Variants in ZNF264 observed in about 807,000 individuals in gnomAD.
ZNF264 encodes the protein zinc finger protein 264.
A neutral mutation model predicts 11.2 loss-of-function variants in ZNF264; 11 were observed. The observed-to-expected ratio is 0.98, with a 90% CI of 0.62 to 1.63. ZNF264 has a LOEUF of 1.63. Among genes scored for constraint, ZNF264 ranks in the 40% most tolerant of loss-of-function variants. The probability of loss-of-function intolerance (pLI) is 0.00; values close to 1 mark genes in which losing one functional copy is unlikely to be tolerated. For missense variants in ZNF264, 752 were observed against 768.1 expected (o/e 0.98, Z 0.25); for synonymous variants, 309 against 279.8 (o/e 1.10, Z -1.04).
rs1043248651 is a variant in ZNF264, at chr19:57,195,105, C to A, written c.160+1104C>A. Reference sequence around the variant, plus strand: ...CCATCACAACTCCATCCCTTGTCAACTTGAACCCATACACATCTCCTGAGA... The same window carrying A: ...CCATCACAACTCCATCCCTTGTCAAATTGAACCCATACACATCTCCTGAGA... On this transcript the variant is annotated intron_variant, in intron 2 of 3. Transcript: ENST00000263095. 1.5e-5 allele frequency: 5 copies of A among 327,914 alleles called. No homozygotes were observed. In the Admixed American group the frequency reaches 2.5e-4, roughly 16 times the overall value. The allele number at this position is 327,914 out of a possible 1,614,324, so 20.3% of individuals were successfully genotyped here. A position where few individuals can be genotyped will look rare whatever the true frequency, so the allele number is the denominator to read the frequency against.
chr19:57,191,636 C>T lies in ZNF264; in HGVS notation c.-278C>T, dbSNP rs1001867759. The T allele has an allele frequency of 2.6e-6, 1 of 382,426 alleles. No individual in the cohort carries two copies. The highest frequency in any genetic ancestry group is 4.6e-6 in the Non-Finnish European group (1 of 215,554). The allele number at this position is 382,426 out of a possible 1,614,324, so 23.7% of individuals were successfully genotyped here. ...CGCCGCACCTTTGTACGAGCCTGAC[C>T]CCTTCCGTGGGTTTGTTCCTGGGTC... On this transcript the variant is annotated 5_prime_UTR_variant, in exon 1 of 4. Transcript: ENST00000263095.
At position 57,191,919 on chromosome 19, in the gene ZNF264, G is replaced by A. The variant is rs759406503; in HGVS notation, c.6G>A (p.Ala2=). M[A]AAVLTDRAQV... ...GCGGCCCAGGGGGTGACGTGATGGCGGCAGCGGTGCTGACGGACCGGGCCC... is the reference window on the plus strand; with the variant it reads ...GCGGCCCAGGGGGTGACGTGATGGCAGCAGCGGTGCTGACGGACCGGGCCC... The change falls in exon 1 of 4, where the codon GCG becomes GCA. Residue 2 remains alanine, a synonymous_variant. Transcript: ENST00000263095. 1.1e-5 allele frequency: 17 copies of A among 1,518,354 alleles called. No individual in the cohort carries two copies. The highest frequency in any genetic ancestry group is 1.5e-5 in the Non-Finnish European group (17 of 1,131,438). The allele number at this position is 1,518,354 out of a possible 1,614,324, so 94.1% of individuals were successfully genotyped here. A position where few individuals can be genotyped will look rare whatever the true frequency, so the allele number is the denominator to read the frequency against.
At chr19:57,200,930 A>T (rs925008144) in intron 2 of ZNF264, among the ~76,000 whole-genome samples, 2 of 151,756 alleles carry the variant, frequency 1.3e-5, no homozygotes, top group Non-Finnish European at 2.9e-5. Flanking sequence ...TTATAATAAA[A>T]TTTTTTTTAT....
Position 57,211,375 on chromosome 19 carries a change from C to T in ZNF264, c.278C>T (p.Thr93Ile). Residue 93 changes from threonine (T) to isoleucine (I), a missense_variant, in exon 4 of 4, where the codon ACC (threonine) becomes ATC (isoleucine). Physicochemically the swap from Thr to Ile is moderately conservative, Grantham distance 89. Coordinates refer to ENST00000263095, the MANE Select transcript of ZNF264 (RefSeq NM_003417.5). ...TCAGGCGACAAAGGAAAACCTAAGA[C>T]CACAGAACCTACCACTTGTGAGCCA... Reference protein sequence around the residue: ...TCPGDKGKPKTTEPTTCEPAL... With the variant: ...TCPGDKGKPKITEPTTCEPAL... 1.9e-6 allele frequency: 3 copies of T among 1,612,988 alleles called. No individual in the cohort carries two copies. Among genetic ancestry groups the T allele is most frequent in the Non-Finnish European group, 2.5e-6 (3 of 1,179,280 alleles).
At chr19:57,207,725 T>G (rs2122757791) in intron 3 of ZNF264, among the ~76,000 whole-genome samples, 1 of 151,280 alleles carries the variant, frequency 6.6e-6, no homozygotes, top group Non-Finnish European at 1.5e-5. Flanking sequence ...TGTTTGTTTT[T>G]TGTTTTGTTT....
chr19:57,210,014 CTTTCCTT>C (rs1813225446), intron 3 of ZNF264, among the ~76,000 whole-genome samples: 1 of 152,130 alleles, frequency 6.6e-6, no homozygotes, highest in Admixed American at 6.5e-5. Flanking sequence ...CCTCTTACCT[CTTTCCTT>C]ATGAGCCTTC....
In ZNF264 at chr19:57,212,030, AG is replaced by A. The variant is rs1454716621; in HGVS notation, c.934del (p.Glu312LysfsTer75). 1.2e-6 allele frequency: 2 copies of A among 1,614,056 alleles called. No individual in the cohort carries two copies. On this transcript the variant is annotated frameshift_variant, in exon 4 of 4. Transcript: ENST00000263095. LOFTEE classifies it low-confidence loss of function (END_TRUNC). ...FVLHNRRHTG[E>X]KSFVCTECGQ... ...TCTTGCATAACAGGAGACACACTGG[AG>A]AAAAATCCTTTGTGTGCACAGAATG...
In ZNF264 at chr19:57,202,042, C is replaced by CA. The variant is rs1398817005; in HGVS notation, c.161-3347dup. Among the ~76,000 whole-genome samples the CA allele has an allele frequency of 2.6e-5, 4 of 151,410 alleles. No individual in the cohort carries two copies. In the East Asian group the frequency reaches 7.7e-4, roughly 29 times the overall value. On this transcript the variant is annotated intron_variant, in intron 2 of 3. Coordinates refer to ENST00000263095, the MANE Select transcript of ZNF264 (RefSeq NM_003417.5). ...GCAATAAAGTGAGACCCAGCCTCTA[C>CA]AAAAAAAATCAAAAAAATTATCTGG...
intron 3 of ZNF264, among the ~76,000 whole-genome samples, chr19:57,206,112 A>G (rs1284787264): frequency 6.6e-6 from 1 of 152,230 alleles, no homozygotes; most frequent in East Asian, 1.9e-4. Context: ...ACCCACAGGA[A>G]CTAGGCATTT....
At chr19:57,192,687 C>T (rs8107486) in intron 1 of ZNF264, 8,774 of 460,412 alleles carry the variant, frequency 0.019, 744 homozygotes, top group African/African-American at 0.17. Context: ...CAGTGCCGCT[C>T]TGTGGGGTCA....
At chr19:57,201,916 A>G (rs2087256137) in intron 2 of ZNF264, among the ~76,000 whole-genome samples, 1 of 151,712 alleles carries the variant, frequency 6.6e-6, no homozygotes, top group South Asian at 2.1e-4. Context: ...CAGTTGTATT[A>G]ATTTGTATCT....
rs1384632169 is a variant in ZNF264 at position 57,211,863 on chromosome 19, G to A, written c.766G>A (p.Glu256Lys). ...GCAACATCACATGATCCACACTGGG[G>A]AGAGGCCCTATGAGTGCATGGAGTG... ...LLQHHMIHTGERPYECMECGK... is the reference protein window; with the variant it reads ...LLQHHMIHTGKRPYECMECGK... The change falls in exon 4 of 4, where the codon GAG (glutamate) becomes AAG (lysine). Residue 256 changes from glutamate to lysine, a missense_variant. Coordinates refer to ENST00000263095, the MANE Select transcript of ZNF264 (RefSeq NM_003417.5). 1 of 1,614,214 alleles carries A rather than the reference G, an allele frequency of 6.2e-7. No homozygotes were observed. Among genetic ancestry groups the A allele is most frequent in the South Asian group, 1.1e-5 (1 of 91,084 alleles).
Position 57,191,899 on chromosome 19 carries a change from C to G in ZNF264, c.-15C>G, listed in dbSNP as rs1391619692. On this transcript the variant is annotated 5_prime_UTR_variant, in exon 1 of 4. Transcript: ENST00000263095. ...GGCTCCTCTGTCCCAGCTCTGCGGC[C>G]CAGGGGGTGACGTGATGGCGGCAGC... The G allele has an allele frequency of 1.3e-6, 2 of 1,489,186 alleles. No homozygotes were observed. The highest frequency in any genetic ancestry group is 4.1e-5 in the Admixed American group (2 of 48,662). 92.2% of individuals were successfully genotyped at this position (1,489,186 alleles called of 1,614,324 possible).
chr19:57,202,942 A>G (rs1381711369), intron 2 of ZNF264, among the ~76,000 whole-genome samples: 1 of 152,054 alleles, frequency 6.6e-6, no homozygotes, highest in Non-Finnish European at 1.5e-5. Context: ...ATCCGAAGCT[A>G]TCCCTGCGTG....
rs2087345994 is a variant in ZNF264, at chr19:57,212,405, C to T, written c.1308C>T (p.Phe436=). Residue 436 remains phenylalanine, a synonymous_variant, in exon 4 of 4, where the codon TTC becomes TTT. Coordinates refer to ENST00000263095, the MANE Select transcript of ZNF264 (RefSeq NM_003417.5). ...TGTGCAGTGAATGTGGAAAGGCCTT[C>T]ACCCACTGCTCTACTTTTATCTTGC... ...PFVCSECGKA[F]THCSTFILHK... 2 of 1,614,212 alleles carry T rather than the reference C, an allele frequency of 1.2e-6. No homozygotes were observed. Among genetic ancestry groups the T allele is most frequent in the African/African-American group, 1.3e-5 (1 of 75,046 alleles).
Position 57,197,238 on chromosome 19 carries a change from C to G in ZNF264, c.160+3237C>G, listed in dbSNP as rs75090927. 5.9e-5 allele frequency among the ~76,000 whole-genome samples: 9 copies of G among 151,914 alleles called. No homozygotes were observed. The East Asian group carries it at 1.5e-3, about 26-fold the overall frequency. ...TTCAGGATCCGCTTGAGCCCAATCA[C>G]ATATATACCACTTTCATCTGATGAT... On this transcript the variant is annotated intron_variant, in intron 2 of 3. Transcript: ENST00000263095.
At chr19:57,205,619 T>C (rs996727797) in intron 3 of ZNF264, 127 bp downstream of exon 3, 5 of 816,280 alleles carry the variant, frequency 6.1e-6, no homozygotes, top group African/African-American at 1.7e-5. Context: ...TATATAACTC[T>C]ATCACACTAG....
chr19:57,211,235 C>T, intron 3 of ZNF264, 119 bp from the exon 4 acceptor site: 1 of 1,052,052 alleles, frequency 9.5e-7, no homozygotes, highest in Non-Finnish European at 1.3e-6. Context: ...ATTTGAGATA[C>T]AGAAAATAGC....
chr19:57,193,491 G>A (rs998303133), intron 1 of ZNF264: 4 of 985,308 alleles, frequency 4.1e-6, no homozygotes, highest in African/African-American at 1.7e-5. Context: ...TACACAGGAT[G>A]TGAAGCCTTC....
Sources: gnomAD v4.1 joint callset for allele counts (sites outside exome capture counted in the v4.1 genomes callset) on GRCh38, gnomAD v4.1.1 for gene constraint, MANE v1.5 for transcripts, NCBI Gene and HGNC (gene_info 2026-07-23, HGNC 2026-07-21) for gene names.